The following AGAP2 variants were observed in gnomAD, a reference collection of about 807,000 sequenced individuals.
AGAP2 encodes arf-GAP with GTPase, ANK repeat and PH domain-containing protein 2.
In AGAP2, 32 loss-of-function variants were observed where a neutral mutation model predicts 110.9. The observed-to-expected ratio is 0.29, with a 90% CI of 0.22 to 0.39. The LOEUF is 0.39. Among genes scored for constraint, AGAP2 ranks in the 10% least tolerant of loss-of-function variants. AGAP2 has a pLI of 1.00. For synonymous variants in AGAP2, 702 were observed against 713.0 expected, an observed-to-expected ratio of 0.98 and a Z score of 0.25; for missense variants, 1,285 against 1,638.5, an observed-to-expected ratio of 0.78 and a Z score of 3.72.
intron 7 of AGAP2, 30 bp from the exon 8 acceptor site, chr12:57,731,997 T>G: frequency 6.2e-7 from 1 of 1,608,878 alleles, no homozygotes; most frequent in South Asian, 1.1e-5. Flanking sequence ...TCAGCAGAGC[T>G]GAGATGCCCC....
Position 57,727,175 on chromosome 12 carries a change from C to T in AGAP2, c.3135G>A (p.Ala1045=). Reference sequence around the variant, plus strand: ...GCGGCTCCTCCGAGGTGCTCAGCGGCGCCAGGAACAGTAGCTGCTCGTACT... The same window carrying T: ...GCGGCTCCTCCGAGGTGCTCAGCGGTGCCAGGAACAGTAGCTGCTCGTACT... The part of the protein sequence containing the change: ...RAKYEQLLFL[A]PLSTSEEPLG... The change falls in exon 18 of 19, where the codon GCG becomes GCA. Residue 1045 remains alanine, a synonymous_variant. Transcript: ENST00000547588. 6.2e-7 allele frequency: 1 copy of T among 1,609,774 alleles called. No homozygotes were observed. Among genetic ancestry groups the T allele is most frequent in the Non-Finnish European group, 8.5e-7 (1 of 1,178,782 alleles).
chr12:57,728,196 G>A, intron 14 of AGAP2, 111 bp from the exon 15 acceptor site: 2 of 1,516,204 alleles, frequency 1.3e-6, no homozygotes, highest in East Asian at 2.3e-5. Context: ...GTGGGGCAGT[G>A]GGGGTAGGGA....
chr12:57,731,535 C>T lies in AGAP2; in HGVS notation c.2040+21G>A, dbSNP rs1237318968. 2.5e-6 allele frequency: 4 copies of T among 1,613,938 alleles called. No homozygotes were observed. In the African/African-American group the frequency reaches 5.3e-5, roughly 22 times the overall value. ...CTAAGACCAGCTGCCCCTAGCCTGT[C>T]CCAGCCCCTGGATCACTCACCTGTT... On this transcript the variant is annotated intron_variant, in intron 9 of 18. Transcript: ENST00000547588.
At position 57,737,801 on chromosome 12, in the gene AGAP2, C is replaced by G. The variant is rs1281063822; in HGVS notation, c.446G>C (p.Ser149Thr). ...SSRRPLLSSP[S>T]WGGPEPEGRA... ...GCCTTCGGGCTCCGGGCCGCCCCAG[C>G]TCGGGCTGCTGAGCAGGGGGCGCCG... The change falls in exon 1 of 19, where the codon AGC becomes ACC. Residue 149 changes from serine to threonine, a missense_variant. Transcript: ENST00000547588. The surrounding 1 kb of genome is among the most constrained non-coding windows in gnomAD (Gnocchi z 5.9). The G allele has an allele frequency of 1.4e-5, 21 of 1,525,602 alleles. No homozygotes were observed. The highest frequency in any genetic ancestry group is 1.8e-5 in the Non-Finnish European group (21 of 1,142,784). 94.5% of individuals were successfully genotyped at this position (1,525,602 alleles called of 1,614,324 possible).
In AGAP2 at chr12:57,726,604, C is replaced by T; in HGVS notation, c.3527G>A (p.Arg1176Gln). The T allele has an allele frequency of 4.2e-6, 5 of 1,201,880 alleles. No individual in the cohort carries two copies. Among genetic ancestry groups the T allele is most frequent in the Non-Finnish European group, 4.1e-6 (4 of 968,610 alleles). The allele number at this position is 1,201,880 out of a possible 1,614,324, so 74.5% of individuals were successfully genotyped here. A position where few individuals can be genotyped will look rare whatever the true frequency, so the allele number is the denominator to read the frequency against. The change falls in exon 19 of 19, where the codon CGG becomes CAG. Residue 1176 changes from arginine (R) to glutamine (Q), a missense_variant. Physicochemically the swap from Arg to Gln is conservative, Grantham distance 43. Around this residue, in one of 7 missense-constraint regions of AGAP2, gnomAD observed 201 missense variants for 276.1 expected, o/e 0.73. Transcript: ENST00000547588. This position sits in a 1 kb window ranked among gnomAD's most constrained non-coding sequence, Gnocchi z 5.7. Reference protein sequence around the residue: ...SITATPSPRRRSSAASVGRAD... With the variant: ...SITATPSPRRQSSAASVGRAD... ...GCGGCCCACGCTAGCGGCGCTGCTCCGGCGGCGGGGGCTGGGCGTGGCGGT... is the reference window on the plus strand; with the variant it reads ...GCGGCCCACGCTAGCGGCGCTGCTCTGGCGGCGGGGGCTGGGCGTGGCGGT...
At chr12:57,733,430 G>A (rs1225567121) in intron 5 of AGAP2, among the ~76,000 whole-genome samples, 2 of 152,160 alleles carry the variant, frequency 1.3e-5, no homozygotes, top group Non-Finnish European at 2.9e-5. Flanking sequence ...CAAGCAACAG[G>A]TGGAGATAGG....
upstream of AGAP2, among the ~76,000 whole-genome samples, chr12:57,738,854 G>A (rs1955040425): frequency 6.6e-6 from 1 of 151,410 alleles, no homozygotes; most frequent in Admixed American, 6.6e-5. The surrounding 1 kb of genome is among the most constrained non-coding windows in gnomAD (Gnocchi z 6.7). Flanking sequence ...GAACCCACGG[G>A]TCTGGGGTCT....
Position 57,738,081 on chromosome 12 carries a change from G to C in AGAP2, c.166C>G (p.Arg56Gly). 3 of 1,524,044 alleles carry C rather than the reference G, an allele frequency of 2.0e-6. No homozygotes were observed. Among genetic ancestry groups the C allele is most frequent in the African/African-American group, 1.4e-5 (1 of 71,282 alleles). The allele number at this position is 1,524,044 out of a possible 1,614,324, so 94.4% of individuals were successfully genotyped here. ...GSETGDPGSPRGAEEPGKKRH... is the reference protein window; with the variant it reads ...GSETGDPGSPGGAEEPGKKRH... ...TTCTTGCCCGGCTCCTCCGCGCCTC[G>C]GGGGCTGCCAGGATCCCCAGTCTCG... The change falls in exon 1 of 19, where the codon CGA (arginine) becomes GGA (glycine). Residue 56 changes from arginine (R) to glycine (G), a missense_variant. By Grantham distance (125) the Arg-to-Gly change is moderately radical. Around this residue, in one of 7 missense-constraint regions of AGAP2, gnomAD observed 844 missense variants for 941.2 expected, o/e 0.90. Transcript: ENST00000547588. The surrounding 1 kb of genome is among the most constrained non-coding windows in gnomAD (Gnocchi z 6.7).
chr12:57,730,595 T>C lies in AGAP2; in HGVS notation c.2328A>G (p.Pro776=). 1 of 1,613,956 alleles carries C rather than the reference T, an allele frequency of 6.2e-7. No individual in the cohort carries two copies. Among genetic ancestry groups the C allele is most frequent in the Non-Finnish European group, 8.5e-7 (1 of 1,179,958 alleles). ...GGGAACTGGGGCTGGGGCTAGGGCT[T>C]GGCATGGGAGTAGTGGCTTCTGTCG... The part of the protein sequence containing the change: ...GEGLEATTPM[P]SPSPSPSSLQ... Residue 776 remains proline (P), a synonymous_variant, in exon 12 of 19, where the codon CCA becomes CCG. Transcript: ENST00000547588.
chr12:57,724,330 T>A (rs1031804436), downstream of AGAP2: 3 of 152,298 alleles, frequency 2.0e-5, no homozygotes, highest in African/African-American at 7.2e-5. Flanking sequence ...TAACAACATA[T>A]GGCTGTGCCC....
Position 57,731,364 on chromosome 12 carries a change from A to G in AGAP2, c.2145+2T>C. 1 of 1,609,848 alleles carries G rather than the reference A, an allele frequency of 6.2e-7. No individual in the cohort carries two copies. Among genetic ancestry groups the G allele is most frequent in the Non-Finnish European group, 8.5e-7 (1 of 1,176,104 alleles). ...CAATGTGGCCCAGTCTCTGCCACTC[A>G]CGTTAATACTGGGGTGGTAGAGTAG... On this transcript the variant is annotated splice_donor_variant, in intron 10 of 18. Coordinates refer to ENST00000547588, the MANE Select transcript of AGAP2 (RefSeq NM_001122772.3). LOFTEE classifies it high-confidence loss of function.
rs566024909 is a variant in AGAP2, at chr12:57,726,197, G to T, written c.*355C>A. 8.9e-4 allele frequency: 146 copies of T among 163,866 alleles called. No individual in the cohort carries two copies. The highest frequency in any genetic ancestry group is 3.4e-3 in the African/African-American group (144 of 41,872). 10.2% of individuals were successfully genotyped at this position (163,866 alleles called of 1,614,324 possible). A position where few individuals can be genotyped will look rare whatever the true frequency, so the allele number is the denominator to read the frequency against. On this transcript the variant is annotated 3_prime_UTR_variant, in exon 19 of 19. Transcript: ENST00000547588. The surrounding 1 kb of genome is among the most constrained non-coding windows in gnomAD (Gnocchi z 5.7). ...GGGATTGTTGAGCTCGGGCAGGACC[G>T]GGTCTTCTTTCCGCCCCTAGGGGGC... is the stretch of plus-strand genomic sequence containing the variant.
At chr12:57,739,310 G>C (rs1445578581), upstream of AGAP2, among the ~76,000 whole-genome samples, 1 of 152,080 alleles carries the variant, frequency 6.6e-6, no homozygotes, top group Non-Finnish European at 1.5e-5. Context: ...CTTCCCCCAG[G>C]ATCTCTTGTC....
intron 1 of AGAP2, among the ~76,000 whole-genome samples, chr12:57,736,171 A>G (rs1954978398): frequency 6.6e-6 from 1 of 151,722 alleles, no homozygotes; most frequent in Admixed American, 6.6e-5. Context: ...GAACTCTGGG[A>G]TCCGGAGCCA....
At position 57,738,440 on chromosome 12, in the gene AGAP2, C is replaced by T. The variant is rs1955033211; in HGVS notation, c.-194G>A. The T allele has an allele frequency of 2.4e-6, 1 of 418,414 alleles. No individual in the cohort carries two copies. The highest frequency in any genetic ancestry group is 6.4e-5 in the Admixed American group (1 of 15,580). 25.9% of individuals were successfully genotyped at this position (418,414 alleles called of 1,614,324 possible). On this transcript the variant is annotated 5_prime_UTR_variant, in exon 1 of 19. Coordinates refer to ENST00000547588, the MANE Select transcript of AGAP2 (RefSeq NM_001122772.3). This position sits in a 1 kb window ranked among gnomAD's most constrained non-coding sequence, Gnocchi z 6.7. ...CCTCCCATCACATGGGGCGCCCCCT[C>T]CCCATGCTCCCCGCCCTGCGCCCCC... is the stretch of plus-strand genomic sequence containing the variant.
At chr12:57,740,359 A>G (rs1035212286), upstream of AGAP2, among the ~76,000 whole-genome samples, 8 of 152,106 alleles carry the variant, frequency 5.3e-5, no homozygotes, top group Admixed American at 1.3e-4. Context: ...CCAGGACAGG[A>G]GACCCTTCAG....
In AGAP2 at chr12:57,737,324, G is replaced by C. The variant is rs1486247095; in HGVS notation, c.923C>G (p.Ala308Gly). 1.2e-6 allele frequency: 2 copies of C among 1,613,884 alleles called. No individual in the cohort carries two copies. Among genetic ancestry groups the C allele is most frequent in the Non-Finnish European group, 1.7e-6 (2 of 1,179,844 alleles). The change falls in exon 1 of 19, where the codon GCT (alanine) becomes GGT (glycine). Residue 308 changes from alanine (A) to glycine (G), a missense_variant. Coordinates refer to ENST00000547588, the MANE Select transcript of AGAP2 (RefSeq NM_001122772.3). This position sits in a 1 kb window ranked among gnomAD's most constrained non-coding sequence, Gnocchi z 5.9. ...TGCAGGCCCGGGGGGCTGCGCGGAA[G>C]CAGCGGTGACAGCAGTGGCTGGACT... The part of the protein sequence containing the change: ...TPSPATAVTA[A>G]SAQPPGPAPP...
intron 1 of AGAP2, among the ~76,000 whole-genome samples, chr12:57,736,006 C>A (rs1595093260): frequency 6.6e-6 from 1 of 152,214 alleles, no homozygotes; most frequent in South Asian, 2.1e-4. Flanking sequence ...ACACCCTCCC[C>A]ACAAACGCCC....
chr12:57,737,696 G>A lies in AGAP2; in HGVS notation c.551C>T (p.Pro184Leu). The A allele has an allele frequency of 3.9e-6, 6 of 1,550,052 alleles. No individual in the cohort carries two copies. The highest frequency in any genetic ancestry group is 4.3e-6 in the Non-Finnish European group (5 of 1,150,594). The part of the protein sequence containing the change: ...GSRRLKVAPP[P>L]PAPKPCKTVT... ...GGTCTTGCAAGGCTTGGGAGCCGGC[G>A]GAGGAGGCGCCACCTTGAGCCTCCG... The change falls in exon 1 of 19, where the codon CCG becomes CTG. Residue 184 changes from proline to leucine, a missense_variant. Around this residue, in one of 7 missense-constraint regions of AGAP2, gnomAD observed 844 missense variants for 941.2 expected, o/e 0.90. Coordinates refer to ENST00000547588, the MANE Select transcript of AGAP2 (RefSeq NM_001122772.3). This position sits in a 1 kb window ranked among gnomAD's most constrained non-coding sequence, Gnocchi z 5.9.
Sources: gnomAD v4.1 joint callset for allele counts (sites outside exome capture counted in the v4.1 genomes callset) on GRCh38, gnomAD v4.1.1 for gene constraint, gnomAD v4.1.1 regional missense constraint, Gnocchi (gnomAD v3.1) non-coding constraint, MANE v1.5 for transcripts, NCBI Gene and HGNC (gene_info 2026-07-23, HGNC 2026-07-21) for gene names.